MICU3: variants seen among roughly 807,000 people sequenced by gnomAD.
MICU3 encodes the protein calcium uptake protein 3, mitochondrial.
MICU3 carries 62 observed loss-of-function variants against 66.5 expected under a neutral mutation model. The observed-to-expected ratio is 0.93, with a 90% CI of 0.76 to 1.15. The LOEUF is 1.15. Among genes scored for constraint, MICU3 ranks in the 50% most tolerant of loss-of-function variants. The pLI is 0.00. For missense variants in MICU3, 779 were observed against 664.4 expected (o/e 1.17, Z -1.90); for synonymous variants, 308 against 240.7 (o/e 1.28, Z -2.59).
At chr8:17,047,038 T>C (rs560356657) in intron 1 of MICU3, among the ~76,000 whole-genome samples, 7 of 152,298 alleles carry the variant, frequency 4.6e-5, no homozygotes, top group Non-Finnish European at 7.3e-5. Context: ...GCACAAAATA[T>C]ATGAAGTTCT....
At chr8:17,086,051 A>G (rs963396113) in intron 6 of MICU3, among the ~76,000 whole-genome samples, 2 of 151,982 alleles carry the variant, frequency 1.3e-5, no homozygotes, top group Non-Finnish European at 1.5e-5. Flanking sequence ...TATATATTAC[A>G]CTCTGTCTTT....
At chr8:17,060,932 C>T (rs1817738376) in intron 1 of MICU3, among the ~76,000 whole-genome samples, 2 of 152,022 alleles carry the variant, frequency 1.3e-5, no homozygotes, top group South Asian at 2.1e-4. Context: ...AATATTATTG[C>T]TAAGCCAACA....
intron 1 of MICU3, among the ~76,000 whole-genome samples, chr8:17,058,581 C>G (rs1473720884): frequency 6.6e-6 from 1 of 151,856 alleles, no homozygotes; most frequent in African/African-American, 2.4e-5. Context: ...ACTTCAGAGA[C>G]TTTGGGGTTT....
chr8:17,066,517 C>CTCTATA (rs1554518338), intron 2 of MICU3, among the ~76,000 whole-genome samples: 1 of 105,062 alleles, frequency 9.5e-6, no homozygotes, highest in Non-Finnish European at 1.8e-5. Flanking sequence ...TGTTAATAAT[C>CTCTATA]TATATATATA....
intron 8 of MICU3, among the ~76,000 whole-genome samples, chr8:17,094,401 A>T (rs1047239706): frequency 6.6e-6 from 1 of 152,010 alleles, no homozygotes; most frequent in African/African-American, 2.4e-5. Flanking sequence ...TCTGTTTTAA[A>T]ACAATAATTT....
chr8:17,082,857 G>GT (rs1478065593), intron 5 of MICU3, among the ~76,000 whole-genome samples: 1 of 152,110 alleles, frequency 6.6e-6, no homozygotes, highest in Non-Finnish European at 1.5e-5. Flanking sequence ...GTTACAGTAA[G>GT]TTTTGAGAAC....
intron 1 of MICU3, among the ~76,000 whole-genome samples, chr8:17,057,826 GTTGTTGTTC>G (rs952176011): frequency 1.3e-5 from 2 of 150,368 alleles, no homozygotes; most frequent in African/African-American, 4.9e-5. Context: ...TTCGTTTTTT[GTTGTTGTTC>G]TTGTTGTTGT....
At chr8:17,112,870 A>G (rs1563395662) in intron 11 of MICU3, among the ~76,000 whole-genome samples, 1 of 152,196 alleles carries the variant, frequency 6.6e-6, no homozygotes, top group Admixed American at 6.5e-5. Flanking sequence ...TTTGGCAACA[A>G]GCTCTCCACA....
At chr8:17,076,177 G>A (rs527821973) in intron 3 of MICU3, among the ~76,000 whole-genome samples, 25 of 151,888 alleles carry the variant, frequency 1.6e-4, no homozygotes, top group Admixed American at 5.2e-4. Flanking sequence ...ATAGATGAAC[G>A]CCACCATGCC....
intron 11 of MICU3, among the ~76,000 whole-genome samples, chr8:17,108,485 A>G (rs2079283985): frequency 1.3e-5 from 2 of 152,248 alleles, no homozygotes; most frequent in South Asian, 4.2e-4. Context: ...TCTGCAAACC[A>G]TCTTCCCTGT....
At chr8:17,068,774 A>T (rs1819095203) in intron 2 of MICU3, among the ~76,000 whole-genome samples, 1 of 152,156 alleles carries the variant, frequency 6.6e-6, no homozygotes, top group Admixed American at 6.5e-5. Flanking sequence ...GTAATTTTGA[A>T]TTTGATATAT....
chr8:17,114,046 T>TTA, intron 11 of MICU3, 47 bp from the exon 12 acceptor site: 4 of 1,180,614 alleles, frequency 3.4e-6, no homozygotes, highest in Non-Finnish European at 3.6e-6. Context: ...CTGATTTTAA[T>TTA]AAATTTGGCA....
intron 1 of MICU3, among the ~76,000 whole-genome samples, chr8:17,049,007 A>T (rs1398435060): frequency 1.3e-5 from 2 of 152,116 alleles, no homozygotes; most frequent in East Asian, 1.9e-4. Flanking sequence ...AACAGTACAC[A>T]GTTCTGTATT....
chr8:17,075,304 C>T (rs1585357026), intron 3 of MICU3, among the ~76,000 whole-genome samples: 1 of 152,230 alleles, frequency 6.6e-6, no homozygotes, highest in East Asian at 1.9e-4. Context: ...GAATTATTGG[C>T]TGTGTGATTG....
intron 11 of MICU3, among the ~76,000 whole-genome samples, chr8:17,110,446 A>G (rs1429008700): frequency 6.6e-6 from 1 of 151,718 alleles, no homozygotes; most frequent in Admixed American, 6.6e-5. Flanking sequence ...GTCCCTGGCA[A>G]CCATCACTCT....
chr8:17,114,093 G>A lies in MICU3; in HGVS notation c.1258G>A (p.Gly420Ser). Residue 420 changes from glycine (G) to serine (S), a missense_variant and splice_region_variant, in exon 12 of 15, where the codon GGC (glycine) becomes AGC (serine). Coordinates refer to ENST00000318063, the MANE Select transcript of MICU3 (RefSeq NM_181723.3). The stretch of plus-strand genomic sequence containing the variant: ...ATTTTCATTTCCTTTCCCAATATAG[G>A]GCATCACATTTGATGAATTCAGGTC... ...NVRYSIPEEK[G>S]ITFDEFRSFF... The A allele has an allele frequency of 2.5e-6, 4 of 1,596,092 alleles. No homozygotes were observed. The highest frequency in any genetic ancestry group is 3.4e-6 in the Non-Finnish European group (4 of 1,167,554).
the MICU3 span, among the ~76,000 whole-genome samples, chr8:17,136,185 TTATATTTCC>T: frequency 7.2e-5 from 11 of 152,062 alleles, no homozygotes; most frequent in Non-Finnish European, 1.3e-4. Flanking sequence ...GCAGGGAAAA[TTATATTTCC>T]CTAAGAGTTT....
intron 1 of MICU3, among the ~76,000 whole-genome samples, chr8:17,030,021 T>A (rs1353217029): frequency 6.6e-6 from 1 of 152,234 alleles, no homozygotes; most frequent in Non-Finnish European, 1.5e-5. Context: ...TGAATTTTTT[T>A]ATTTCTGCTA....
At chr8:17,045,539 A>C (rs1814930847) in intron 1 of MICU3, among the ~76,000 whole-genome samples, 2 of 152,238 alleles carry the variant, frequency 1.3e-5, no homozygotes, top group Admixed American at 6.5e-5. Context: ...GTCCCGATAA[A>C]AAGACCCAAG....
Sources: allele counts gnomAD v4.1 joint callset (sites outside exome capture counted in the v4.1 genomes callset), GRCh38; gene constraint gnomAD v4.1.1; transcripts MANE v1.5; gene names NCBI Gene and HGNC (gene_info 2026-07-23, HGNC 2026-07-21).